DPP6: variants seen among roughly 807,000 people sequenced by gnomAD.
DPP6 encodes A-type potassium channel modulatory protein DPP6.
DPP6 carries 69 observed loss-of-function variants against 122.6 expected under a neutral mutation model. That is an observed-to-expected ratio of 0.56 (90% CI 0.46 to 0.69). The LOEUF is 0.69. DPP6 is among the 30% of genes least tolerant of loss of function. The probability of loss-of-function intolerance (pLI) is 0.00; values close to 1 mark genes in which losing one functional copy is unlikely to be tolerated. For synonymous variants in DPP6, 418 were observed against 433.1 expected (o/e 0.97, Z 0.43); for missense variants, 928 against 1,116.9 (o/e 0.83, Z 2.41).
the DPP6 span, among the ~76,000 whole-genome samples, chr7:153,802,818 A>G: frequency 6.6e-6 from 1 of 151,986 alleles, no homozygotes; most frequent in African/African-American, 2.4e-5. Context: ...TGTGTCAGGG[A>G]CTCCCAGTGG....
chr7:154,139,958 T>C (rs1427966517), intron 1 of DPP6, among the ~76,000 whole-genome samples: 7 of 152,166 alleles, frequency 4.6e-5, no homozygotes, highest in Admixed American at 4.6e-4. Flanking sequence ...TCTTGACTTC[T>C]AGCGGCAAGC....
At position 154,373,420 on chromosome 7, in the gene DPP6, C is replaced by T. The variant is rs191168915; in HGVS notation, c.244-72794C>T. On this transcript the variant is annotated intron_variant, in intron 1 of 25. Coordinates refer to ENST00000377770, the MANE Select transcript of DPP6 (RefSeq NM_130797.4). Reference sequence around the variant, plus strand: ...GCTTCGTGAGGCGGTTGTGAGGAGCCATCTCTGTGAACGGGCTCCTGGCCG... The same window carrying T: ...GCTTCGTGAGGCGGTTGTGAGGAGCTATCTCTGTGAACGGGCTCCTGGCCG... Among the ~76,000 whole-genome samples the T allele has an allele frequency of 1.6e-3, 245 of 152,256 alleles. 1 individual carries two copies. The highest frequency in any genetic ancestry group is 3.1e-3 in the Non-Finnish European group (210 of 68,022).
At chr7:153,989,274 T>A (rs1444047860) in intron 1 of DPP6, among the ~76,000 whole-genome samples, 1 of 137,494 alleles carries the variant, frequency 7.3e-6, no homozygotes, top group Non-Finnish European at 1.6e-5. Context: ...AGAAAGTGGG[T>A]GAATGTGTGC....
intron 1 of DPP6, among the ~76,000 whole-genome samples, chr7:154,420,268 G>C (rs530416559): frequency 6.6e-6 from 1 of 152,292 alleles, no homozygotes; most frequent in East Asian, 1.9e-4. Flanking sequence ...CCCAAGAGGC[G>C]GAGGTTGTAG....
intron 1 of DPP6, among the ~76,000 whole-genome samples, chr7:154,443,726 G>T (rs114964958): frequency 2.1e-3 from 321 of 152,132 alleles, no homozygotes; most frequent in African/African-American, 7.5e-3. Flanking sequence ...GAATGTGGAT[G>T]GATGGATGGA....
chr7:153,890,471 C>T (rs775282377), intron 1 of DPP6, among the ~76,000 whole-genome samples: 3 of 152,270 alleles, frequency 2.0e-5, no homozygotes, highest in Non-Finnish European at 4.4e-5. Context: ...AATAGCCTCC[C>T]GGCTGGTCCT....
intron 1 of DPP6, 96 bp from the exon 2 acceptor site, chr7:154,446,118 T>C: frequency 1.3e-6 from 1 of 744,562 alleles, no homozygotes; most frequent in South Asian, 2.1e-5. Flanking sequence ...CACTGTTTTG[T>C]ATCTTGGTTC....
chr7:154,650,274 C>T (rs1186748248), intron 6 of DPP6, among the ~76,000 whole-genome samples: 4 of 151,648 alleles, frequency 2.6e-5, no homozygotes, highest in Non-Finnish European at 5.9e-5. Context: ...GCAGTGAGCT[C>T]TGATTGCACC....
intron 1 of DPP6, among the ~76,000 whole-genome samples, chr7:154,335,636 A>G (rs866642000): frequency 1.6e-4 from 25 of 152,200 alleles, no homozygotes; most frequent in African/African-American, 6.0e-4. Context: ...CTGTAGCACA[A>G]GATTGCAGGA....
At chr7:153,813,204 G>C in the DPP6 span, among the ~76,000 whole-genome samples, 1 of 141,820 alleles carries the variant, frequency 7.1e-6, no homozygotes, top group Admixed American at 7.5e-5. Context: ...AGTCCCCAGA[G>C]TGTGATGTTC....
intron 1 of DPP6, among the ~76,000 whole-genome samples, chr7:154,288,105 T>C (rs1253369877): frequency 2.0e-5 from 3 of 152,154 alleles, no homozygotes; most frequent in African/African-American, 7.2e-5. Flanking sequence ...CCTCCCTGAA[T>C]TGAAGTCCTT....
intron 16 of DPP6, among the ~76,000 whole-genome samples, chr7:154,819,538 C>G (rs564223217): frequency 6.6e-6 from 1 of 152,182 alleles, no homozygotes; most frequent in African/African-American, 2.4e-5. Context: ...TGTTACTGGT[C>G]AGTTTTCCTG....
chr7:154,377,036 T>A (rs1350955771), intron 1 of DPP6, among the ~76,000 whole-genome samples: 3 of 152,076 alleles, frequency 2.0e-5, no homozygotes, highest in African/African-American at 2.4e-5. Flanking sequence ...ATAATAATAA[T>A]AAAAAACCTA....
chr7:154,441,597 G>A (rs1352478521), intron 1 of DPP6, among the ~76,000 whole-genome samples: 3 of 152,112 alleles, frequency 2.0e-5, no homozygotes, highest in African/African-American at 4.8e-5. Flanking sequence ...TGAGAGATAC[G>A]AAGCTCAGGC....
intron 5 of DPP6, among the ~76,000 whole-genome samples, chr7:154,601,943 T>A (rs896179016): frequency 2.5e-5 from 3 of 121,494 alleles, no homozygotes; most frequent in African/African-American, 7.9e-5. Flanking sequence ...GATGTAATTG[T>A]CAGCATGATT....
intron 1 of DPP6, among the ~76,000 whole-genome samples, chr7:154,338,368 G>A (rs1170802653): frequency 6.6e-6 from 1 of 152,092 alleles, no homozygotes; most frequent in Admixed American, 6.5e-5. Context: ...CATAATAAAA[G>A]CTTGTAAAGC....
At chr7:154,748,188 C>A (rs888425778) in intron 8 of DPP6, among the ~76,000 whole-genome samples, 5 of 152,202 alleles carry the variant, frequency 3.3e-5, no homozygotes, top group African/African-American at 1.2e-4. Flanking sequence ...GATGGGCATC[C>A]TCTCTGCACA....
chr7:154,076,313 A>G (rs2429603), intron 1 of DPP6, among the ~76,000 whole-genome samples: 8 of 151,974 alleles, frequency 5.3e-5, no homozygotes, highest in Non-Finnish European at 8.8e-5. Context: ...AGCCATGCAC[A>G]GTGGCGGGTG....
At chr7:154,642,795 G>A (rs1220963345) in intron 6 of DPP6, among the ~76,000 whole-genome samples, 1 of 151,174 alleles carries the variant, frequency 6.6e-6, no homozygotes, top group African/African-American at 2.4e-5. Context: ...GCCGGGCTTA[G>A]TGAGGCTGAG....
Sources: allele counts gnomAD v4.1 joint callset (sites outside exome capture counted in the v4.1 genomes callset), GRCh38; gene constraint gnomAD v4.1.1; transcripts MANE v1.5; gene names NCBI Gene and HGNC (gene_info 2026-07-23, HGNC 2026-07-21).